The following PIGN variants were observed in gnomAD, a reference collection of about 807,000 sequenced individuals.
The protein encoded by PIGN is GPI ethanolamine phosphate transferase 1.
A neutral mutation model predicts 125.4 loss-of-function variants in PIGN; 117 were observed. That is an observed-to-expected ratio of 0.93 (90% CI 0.80 to 1.09). The LOEUF is 1.09. Among genes scored for constraint, PIGN ranks in the 50% least tolerant of loss-of-function variants. PIGN has a pLI of 0.00. For synonymous variants in PIGN, 392 were observed against 377.8 expected (o/e 1.04, Z -0.44); for missense variants, 1,075 against 1,094.9 (o/e 0.98, Z 0.26).
intron 14 of PIGN, among the ~76,000 whole-genome samples, chr18:62,130,370 A>G (rs1394905069): frequency 6.6e-6 from 1 of 152,182 alleles, no homozygotes; most frequent in Non-Finnish European, 1.5e-5. Flanking sequence ...TAATCTATGC[A>G]TAGTTACAGA....
At chr18:62,136,293 C>T (rs1254784378) in intron 14 of PIGN, 1 of 152,070 alleles carries the variant, frequency 6.6e-6, no homozygotes, top group Non-Finnish European at 1.5e-5. Context: ...CATATATATA[C>T]ACACATAAAA....
At position 62,071,863 on chromosome 18, in the gene PIGN, C is replaced by CATATATATAT. The variant is rs61508545; in HGVS notation, c.2672+800_2672+809dup. On this transcript the variant is annotated intron_variant, in intron 30 of 30. Coordinates refer to ENST00000640252, the MANE Select transcript of PIGN (RefSeq NM_176787.5). The stretch of plus-strand genomic sequence containing the variant: ...CGTTTTTTAGACTGTACTCCTTTTC[C>CATATATATAT]ATATATATATATATATATATATATA... Among the ~76,000 whole-genome samples the CATATATATAT allele has an allele frequency of 1.6e-3, 121 of 77,588 alleles. 2 individuals are homozygous for CATATATATAT. The highest frequency in any genetic ancestry group is 2.1e-3 in the Non-Finnish European group (80 of 38,916). 50.9% of individuals were successfully genotyped at this position (77,588 alleles called of 152,430 possible).
chr18:62,083,824 TAAC>T (rs2033563450), intron 27 of PIGN, among the ~76,000 whole-genome samples: 1 of 152,176 alleles, frequency 6.6e-6, no homozygotes, highest in Non-Finnish European at 1.5e-5. Context: ...ATTAGTGTAA[TAAC>T]AAAAAGTAGA....
In PIGN at chr18:62,093,426, A is replaced by G. The variant is rs190063038; in HGVS notation, c.2180+2422T>C. 6.6e-5 allele frequency among the ~76,000 whole-genome samples: 10 copies of G among 152,228 alleles called. No individual in the cohort carries two copies. In the East Asian group the frequency reaches 1.4e-3, roughly 21 times the overall value. ...ATGAAATGTCATCACCGGCTCAGGG[A>G]GAACATAATGAAAACTTACTAAATT... On this transcript the variant is annotated intron_variant, in intron 23 of 30. Transcript: ENST00000640252.
At position 62,074,808 on chromosome 18, in the gene PIGN, CAAT is replaced by C; in HGVS notation, c.2587_2589del (p.Ile863del). 6.2e-7 allele frequency: 1 copy of C among 1,603,154 alleles called. No individual in the cohort carries two copies. On this transcript the variant is annotated inframe_deletion, in exon 29 of 31. Transcript: ENST00000640252. Reference sequence around the variant, plus strand: ...GCCATAATGTCTGATATGACGAGAACAATGAGAAAAAGGCTGGAAAAAAAAAGA... The same window carrying C: ...GCCATAATGTCTGATATGACGAGAACGAGAAAAAGGCTGGAAAAAAAAAGA...
At chr18:62,037,807 C>T (rs1188140572), downstream of PIGN, among the ~76,000 whole-genome samples, 1 of 152,152 alleles carries the variant, frequency 6.6e-6, no homozygotes, top group East Asian at 1.9e-4. Context: ...TTCTTGACAG[C>T]CTGGAACCCA....
At chr18:62,020,422 G>A (rs988148280) in intron 23 of PIGN, among the ~76,000 whole-genome samples, 4 of 151,944 alleles carry the variant, frequency 2.6e-5, no homozygotes, top group Admixed American at 6.6e-5. Flanking sequence ...AGCAAGATAC[G>A]ATCTGGAACC....
At chr18:62,041,124 ACTAAT>A (rs1301505127), downstream of PIGN, 1 of 152,218 alleles carries the variant, frequency 6.6e-6, no homozygotes, top group Non-Finnish European at 1.5e-5. Context: ...AAATTTAACT[ACTAAT>A]CACTTTCTAC....
At chr18:62,093,899 G>C (rs1275028236) in intron 23 of PIGN, among the ~76,000 whole-genome samples, 1 of 152,022 alleles carries the variant, frequency 6.6e-6, no homozygotes, top group African/African-American at 2.4e-5. Flanking sequence ...ACTGAACTGT[G>C]CTATTTCAAG....
rs866639881 is a variant in PIGN at position 62,088,755 on chromosome 18, C to T, written c.2370+1G>A. The stretch of plus-strand genomic sequence containing the variant: ...TAAACCAAAGTCTCCACAAAGGATA[C>T]AAGGAAAAAGGCCCTACGGATGTCA... On this transcript the variant is annotated splice_donor_variant, in intron 25 of 30. Coordinates refer to ENST00000640252, the MANE Select transcript of PIGN (RefSeq NM_176787.5). LOFTEE classifies it high-confidence loss of function. The T allele has an allele frequency of 1.1e-5, 17 of 1,535,170 alleles. No homozygotes were observed. Among genetic ancestry groups the T allele is most frequent in the Non-Finnish European group, 1.5e-5 (17 of 1,127,742 alleles).
At position 62,020,738 on chromosome 18, in the gene PIGN, A is replaced by G. The variant is rs566096125; in HGVS notation, c.2143-2997T>C. On this transcript the variant is annotated intron_variant, in intron 23 of 24. Coordinates refer to the PIGN transcript ENST00000639600. ...GCCGAGGTGGGCAGATCACGAGGTC[A>G]GGAGATCCCAGACCATCCTGGCTAA... 1.1e-4 allele frequency among the ~76,000 whole-genome samples: 17 copies of G among 151,794 alleles called. No homozygotes were observed. In the South Asian group the frequency reaches 3.1e-3, roughly 28 times the overall value.
chr18:62,129,680 C>T (rs146859649), intron 14 of PIGN, among the ~76,000 whole-genome samples: 2 of 49,682 alleles, frequency 4.0e-5, no homozygotes, highest in South Asian at 1.1e-3. Flanking sequence ...GCAGGCACTA[C>T]GTCTATCTTT....
intron 23 of PIGN, among the ~76,000 whole-genome samples, chr18:62,034,996 AGG>A (rs888899683): frequency 2.6e-5 from 4 of 152,088 alleles, no homozygotes; most frequent in Admixed American, 6.6e-5. Flanking sequence ...TTGTCATGGG[AGG>A]GACCTTGTGG....
At chr18:62,070,158 G>T in intron 30 of PIGN, 1 of 367,582 alleles carries the variant, frequency 2.7e-6, no homozygotes, top group Non-Finnish European at 4.8e-6. Flanking sequence ...GAAACGGGGG[G>T]CTTAGAGAGA....
At chr18:62,113,631 T>C (rs761953696) in intron 15 of PIGN, among the ~76,000 whole-genome samples, 1 of 152,096 alleles carries the variant, frequency 6.6e-6, no homozygotes. Context: ...CTCTCTAATA[T>C]AGGTCCCAAA....
chr18:62,056,381 T>C (rs575940430), intron 30 of PIGN, among the ~76,000 whole-genome samples: 46 of 151,980 alleles, frequency 3.0e-4, no homozygotes, highest in Non-Finnish European at 6.0e-4. Flanking sequence ...ACAAATGAGA[T>C]TTGGTTCTCA....
chr18:62,100,410 A>G (rs1276507740), intron 22 of PIGN, among the ~76,000 whole-genome samples: 4 of 152,212 alleles, frequency 2.6e-5, no homozygotes, highest in African/African-American at 9.6e-5. Context: ...GTGGGCCCCC[A>G]TGACCCAAAC....
chr18:62,055,217 A>G (rs2031630469), intron 30 of PIGN, among the ~76,000 whole-genome samples: 2 of 152,220 alleles, frequency 1.3e-5, no homozygotes, highest in East Asian at 1.9e-4. Flanking sequence ...TAGGATCTTT[A>G]TTCATAATAG....
At chr18:62,178,908 T>C (rs1432143661) in intron 1 of PIGN, among the ~76,000 whole-genome samples, 1 of 152,186 alleles carries the variant, frequency 6.6e-6, no homozygotes, top group Non-Finnish European at 1.5e-5. Context: ...TCACATCCTT[T>C]TTCTGTTCCA....
Sources: gnomAD v4.1 joint callset for allele counts (sites outside exome capture counted in the v4.1 genomes callset) on GRCh38, gnomAD v4.1.1 for gene constraint, MANE v1.5 for transcripts, NCBI Gene and HGNC (gene_info 2026-07-23, HGNC 2026-07-21) for gene names.